SLIT3: variants seen among roughly 807,000 people sequenced by gnomAD.
SLIT3 encodes slit guidance ligand 3, also known as slit homolog 3 protein.
In SLIT3, 68 loss-of-function variants were observed where a neutral mutation model predicts 184.0. That is an observed-to-expected ratio of 0.37 (90% confidence interval 0.30 to 0.45). The LOEUF is 0.45. SLIT3 is among the 20% of genes least tolerant of loss of function. The pLI is 1.00. For missense variants in SLIT3, 1,707 were observed against 2,026.0 expected (o/e 0.84, Z 3.02); for synonymous variants, 831 against 828.6 (o/e 1.00, Z -0.05).
intron 4 of SLIT3, among the ~76,000 whole-genome samples, chr5:168,994,770 T>C (rs1755454939): frequency 6.6e-6 from 1 of 150,738 alleles, no homozygotes; most frequent in African/African-American, 2.4e-5. Context: ...CTCAGCCTCC[T>C]ATCTGGGATT....
At chr5:169,056,142 A>G (rs1366968769) in intron 4 of SLIT3, among the ~76,000 whole-genome samples, 1 of 152,148 alleles carries the variant, frequency 6.6e-6, no homozygotes, top group African/African-American at 2.4e-5. Flanking sequence ...GAGTGGGGGT[A>G]TAAAATCTTC....
chr5:169,237,997 C>T (rs1765260774), intron 3 of SLIT3, among the ~76,000 whole-genome samples: 2 of 152,128 alleles, frequency 1.3e-5, no homozygotes, highest in South Asian at 4.1e-4. Context: ...TATCTTTACA[C>T]ATTTGTCAAA....
intron 9 of SLIT3, among the ~76,000 whole-genome samples, chr5:168,801,408 C>T (rs1756761855): frequency 6.6e-6 from 1 of 152,184 alleles, no homozygotes; most frequent in African/African-American, 2.4e-5. Flanking sequence ...CTCAGAGAGA[C>T]ACTGTGGTTA....
At chr5:169,012,487 A>G (rs964953948) in intron 4 of SLIT3, 15 of 152,340 alleles carry the variant, frequency 9.8e-5, no homozygotes, top group African/African-American at 3.6e-4. Context: ...AGGTCTGGCA[A>G]CTTGTAAATG....
At chr5:169,108,682 C>T (rs929601019) in intron 4 of SLIT3, among the ~76,000 whole-genome samples, 2 of 151,998 alleles carry the variant, frequency 1.3e-5, no homozygotes, top group Non-Finnish European at 2.9e-5. Context: ...GAAGGAAGTC[C>T]CTCCACATGC....
At chr5:169,022,296 G>A (rs1196928187) in intron 4 of SLIT3, 1 of 152,180 alleles carries the variant, frequency 6.6e-6, no homozygotes, top group African/African-American at 2.4e-5. Flanking sequence ...GTGAGAAAGG[G>A]TTATTTCATT....
chr5:169,149,727 C>T (rs1166420364), intron 4 of SLIT3, among the ~76,000 whole-genome samples: 1 of 152,240 alleles, frequency 6.6e-6, no homozygotes, highest in African/African-American at 2.4e-5. Context: ...TCTGACAGCA[C>T]ACACTTGTGA....
At chr5:168,811,043 G>C (rs1023842419) in intron 8 of SLIT3, among the ~76,000 whole-genome samples, 3 of 152,078 alleles carry the variant, frequency 2.0e-5, no homozygotes, top group Admixed American at 2.0e-4. Context: ...TGGTAAAATG[G>C]GGATGATTAT....
At chr5:168,924,677 T>A (rs531890438) in intron 4 of SLIT3, among the ~76,000 whole-genome samples, 124 of 152,058 alleles carry the variant, frequency 8.2e-4, no homozygotes, top group Admixed American at 1.7e-3. Context: ...ACCCTACTAA[T>A]TTTTTTTGTA....
chr5:169,201,564 T>A (rs990627617), intron 3 of SLIT3, among the ~76,000 whole-genome samples: 1 of 152,200 alleles, frequency 6.6e-6, no homozygotes, highest in Admixed American at 6.5e-5. Flanking sequence ...TTCAGGAGAT[T>A]TATTTCTCCT....
At position 168,948,423 on chromosome 5, in the gene SLIT3, C is replaced by T. The variant is rs143695520; in HGVS notation, c.414-65087G>A. Among the ~76,000 whole-genome samples, 1,060 of 152,268 alleles carry T rather than the reference C, an allele frequency of 7.0e-3. 7 individuals carry two copies. The highest frequency in any genetic ancestry group is 0.011 in the Non-Finnish European group (754 of 68,026). ...TGCATACAGAGAACAGAGCCGGAGC[C>T]TGAGGGGGCTGCAGATGGATGTGAG... is the stretch of plus-strand genomic sequence containing the variant. On this transcript the variant is annotated intron_variant, in intron 4 of 35. Transcript: ENST00000519560.
intron 9 of SLIT3, among the ~76,000 whole-genome samples, chr5:168,802,405 C>T (rs1447658464): frequency 2.0e-5 from 3 of 152,158 alleles, no homozygotes; most frequent in Admixed American, 6.5e-5. Flanking sequence ...CCCTATCCAG[C>T]CATAGAAACT....
At chr5:168,972,773 T>A (rs1023421597) in intron 4 of SLIT3, among the ~76,000 whole-genome samples, 1 of 152,168 alleles carries the variant, frequency 6.6e-6, no homozygotes, top group Non-Finnish European at 1.5e-5. Flanking sequence ...AGTTTGCTTG[T>A]TGCCTCACAT....
intron 5 of SLIT3, among the ~76,000 whole-genome samples, chr5:168,863,323 C>T (rs149601510): frequency 8.9e-4 from 136 of 152,272 alleles, no homozygotes; most frequent in African/African-American, 3.0e-3. Flanking sequence ...AAGCGATATT[C>T]AGCCAGTGAT....
chr5:168,858,255 C>T lies in SLIT3; in HGVS notation c.486-13600G>A, dbSNP rs79063234. Among the ~76,000 whole-genome samples, 1,404 of 152,340 alleles carry T rather than the reference C, an allele frequency of 9.2e-3. 16 individuals are homozygous for T. The highest frequency in any genetic ancestry group is 0.016 in the Non-Finnish European group (1,074 of 68,026). On this transcript the variant is annotated intron_variant, in intron 5 of 35. Coordinates refer to ENST00000519560, the MANE Select transcript of SLIT3 (RefSeq NM_003062.4). ...AAATGGAGCGACTCACTGAGAAGTT[C>T]TGGGACATGCAAGGGCAGAGAATGG...
At chr5:169,276,228 T>C (rs549911612) in intron 1 of SLIT3, among the ~76,000 whole-genome samples, 1 of 152,300 alleles carries the variant, frequency 6.6e-6, no homozygotes, top group African/African-American at 2.4e-5. Context: ...TCTATTTCCT[T>C]AAAGGCCAAA....
chr5:169,058,706 C>T (rs1341281991), intron 4 of SLIT3, among the ~76,000 whole-genome samples: 1 of 152,206 alleles, frequency 6.6e-6, no homozygotes, highest in Non-Finnish European at 1.5e-5. Flanking sequence ...GTTTGGCTTT[C>T]TATGGATTGC....
intron 4 of SLIT3, among the ~76,000 whole-genome samples, chr5:169,056,758 C>T (rs544588517): frequency 1.2e-3 from 188 of 152,282 alleles, no homozygotes; most frequent in African/African-American, 4.1e-3. Context: ...AGCAGATTGG[C>T]GGAGCTGACG....
chr5:169,008,437 C>T (rs1485259867), intron 4 of SLIT3, among the ~76,000 whole-genome samples: 2 of 152,184 alleles, frequency 1.3e-5, no homozygotes, highest in East Asian at 3.9e-4. Context: ...GAGGCCATAG[C>T]AATAGCTAGA....
Sources: gnomAD v4.1 joint callset for allele counts (sites outside exome capture counted in the v4.1 genomes callset) on GRCh38, gnomAD v4.1.1 for gene constraint, MANE v1.5 for transcripts, NCBI Gene and HGNC (gene_info 2026-07-23, HGNC 2026-07-21) for gene names.